The following ASTN2 variants were observed in gnomAD, a reference collection of about 807,000 sequenced individuals.
The protein encoded by ASTN2 is astrotactin 2, also known as astrotactin-2.
Under a neutral mutation model 139.8 loss-of-function variants are expected in ASTN2, and 54 were observed. The ratio of observed to expected loss-of-function variants is 0.39; its 90% CI spans 0.31 to 0.48. ASTN2 has a LOEUF of 0.48. ASTN2 is among the 20% of genes least tolerant of loss of function. The pLI, the probability that ASTN2 is intolerant of heterozygous loss-of-function variation, is 0.95. For synonymous variants in ASTN2, 756 were observed against 719.5 expected, an observed-to-expected ratio of 1.05 and a Z score of -0.81; for missense variants, 1,565 against 1,725.1, an observed-to-expected ratio of 0.91 and a Z score of 1.64.
At chr9:116,529,116 T>C (rs973524901) in intron 19 of ASTN2, among the ~76,000 whole-genome samples, 38 of 152,022 alleles carry the variant, frequency 2.5e-4, no homozygotes, top group African/African-American at 3.6e-4. Flanking sequence ...AGTAAATCCA[T>C]CAACAGCTTG....
intron 11 of ASTN2, among the ~76,000 whole-genome samples, chr9:116,823,760 T>G (rs1831550886): frequency 6.6e-6 from 1 of 152,158 alleles, no homozygotes; most frequent in Non-Finnish European, 1.5e-5. Flanking sequence ...CACAGCAAAT[T>G]AAAGGCAAGA....
intron 2 of ASTN2, among the ~76,000 whole-genome samples, chr9:117,266,628 CA>C (rs901506389): frequency 4.3e-4 from 65 of 152,100 alleles, no homozygotes; most frequent in African/African-American, 1.4e-3. Flanking sequence ...CTACCACCTG[CA>C]AAAAAATAAG....
chr9:117,163,308 T>C (rs1462333514), intron 3 of ASTN2, among the ~76,000 whole-genome samples: 1 of 152,074 alleles, frequency 6.6e-6, no homozygotes, highest in Non-Finnish European at 1.5e-5. Context: ...ATTTTGTACA[T>C]TCAGTAAATG....
At chr9:116,548,844 G>T in intron 19 of ASTN2, among the ~76,000 whole-genome samples, 1 of 152,144 alleles carries the variant, frequency 6.6e-6, no homozygotes, top group Non-Finnish European at 1.5e-5. Context: ...CTTGGTATAG[G>T]GGTCTGGGCA....
intron 2 of ASTN2, among the ~76,000 whole-genome samples, chr9:117,226,447 A>T (rs962990235): frequency 4.6e-5 from 7 of 152,236 alleles, no homozygotes; most frequent in Non-Finnish European, 8.8e-5. Context: ...AATACAGTCA[A>T]TGCTCAACAA....
intron 2 of ASTN2, among the ~76,000 whole-genome samples, chr9:117,230,040 G>A (rs1034016374): frequency 5.9e-5 from 9 of 151,354 alleles, no homozygotes; most frequent in Non-Finnish European, 1.2e-4. Context: ...GCATGGTAGC[G>A]CACATCTAGC....
At chr9:116,494,063 T>C (rs1423984143) in intron 19 of ASTN2, among the ~76,000 whole-genome samples, 1 of 152,156 alleles carries the variant, frequency 6.6e-6, no homozygotes, top group Non-Finnish European at 1.5e-5. Context: ...CTCATACCTA[T>C]CAGCTGCAGT....
In ASTN2 at chr9:117,253,144, C is replaced by A. The variant is rs912090340; in HGVS notation, c.630+38182G>T. Reference sequence around the variant, plus strand: ...GTCAGAGCCCCTGGTCATACCATGACTGAGAGGCATGACTGCATCTCTGGA... The same window carrying A: ...GTCAGAGCCCCTGGTCATACCATGAATGAGAGGCATGACTGCATCTCTGGA... On this transcript the variant is annotated intron_variant, in intron 2 of 22. Coordinates refer to ENST00000313400, the MANE Select transcript of ASTN2 (RefSeq NM_001365068.1). Among the ~76,000 whole-genome samples the A allele has an allele frequency of 9.8e-5, 15 of 152,286 alleles. No individual in the cohort carries two copies. The South Asian group carries it at 3.1e-3, about 32-fold the overall frequency.
intron 2 of ASTN2, among the ~76,000 whole-genome samples, chr9:117,228,033 G>A (rs1366208379): frequency 6.6e-6 from 1 of 152,098 alleles, no homozygotes; most frequent in Non-Finnish European, 1.5e-5. Flanking sequence ...ATTCTGACTG[G>A]GTGATTAGAT....
chr9:117,222,459 C>T (rs1289180237), intron 2 of ASTN2, among the ~76,000 whole-genome samples: 6 of 152,142 alleles, frequency 3.9e-5, no homozygotes, highest in African/African-American at 1.4e-4. Flanking sequence ...GAGCCTGAGC[C>T]TCCTTTCCCA....
chr9:116,596,090 T>C (rs1388164411), intron 19 of ASTN2, among the ~76,000 whole-genome samples: 1 of 152,194 alleles, frequency 6.6e-6, no homozygotes, highest in Non-Finnish European at 1.5e-5. Context: ...TGGATTATCA[T>C]TCAGCCTTAA....
At chr9:116,974,715 G>A (rs533723610) in intron 10 of ASTN2, among the ~76,000 whole-genome samples, 2 of 151,894 alleles carry the variant, frequency 1.3e-5, no homozygotes, top group Non-Finnish European at 2.9e-5. Context: ...CACCATGTTG[G>A]CCAGGCTGGT....
At chr9:117,309,662 G>A (rs926155579) in intron 1 of ASTN2, among the ~76,000 whole-genome samples, 1 of 152,162 alleles carries the variant, frequency 6.6e-6, no homozygotes, top group Non-Finnish European at 1.5e-5. Flanking sequence ...GAGGCCAAGA[G>A]AGGGAAAGGG....
At chr9:117,045,679 T>A (rs116171282) in intron 5 of ASTN2, among the ~76,000 whole-genome samples, 1 of 152,118 alleles carries the variant, frequency 6.6e-6, no homozygotes, top group Non-Finnish European at 1.5e-5. Context: ...TAAGTTAAAT[T>A]TGGAATTGAA....
At chr9:117,007,495 T>C (rs753449147) in intron 7 of ASTN2, among the ~76,000 whole-genome samples, 1 of 152,218 alleles carries the variant, frequency 6.6e-6, no homozygotes, top group Non-Finnish European at 1.5e-5. Flanking sequence ...TAAAATAAAA[T>C]GCCACATGTA....
At chr9:117,156,161 T>A (rs1479547547) in intron 3 of ASTN2, among the ~76,000 whole-genome samples, 1 of 152,074 alleles carries the variant, frequency 6.6e-6, no homozygotes, top group Non-Finnish European at 1.5e-5. Context: ...TGTATTGCTA[T>A]AGCTGCACCC....
intron 16 of ASTN2, among the ~76,000 whole-genome samples, chr9:116,722,057 A>G (rs924426425): frequency 8.5e-5 from 13 of 152,216 alleles, no homozygotes; most frequent in Admixed American, 3.3e-4. Context: ...GCTAGAGAGC[A>G]TAATATGATA....
At chr9:116,469,808 C>T (rs1257905142) in intron 20 of ASTN2, among the ~76,000 whole-genome samples, 3 of 152,138 alleles carry the variant, frequency 2.0e-5, no homozygotes, top group South Asian at 4.1e-4. Context: ...AACGTTAATA[C>T]ACACATAAAT....
chr9:116,957,276 C>A (rs185035908), intron 10 of ASTN2, among the ~76,000 whole-genome samples: 3 of 152,236 alleles, frequency 2.0e-5, no homozygotes, highest in African/African-American at 7.2e-5. Flanking sequence ...CACATACATA[C>A]ACACACTTTT....
Sources: allele counts gnomAD v4.1 joint callset (sites outside exome capture counted in the v4.1 genomes callset), GRCh38; gene constraint gnomAD v4.1.1; transcripts MANE v1.5; gene names NCBI Gene and HGNC (gene_info 2026-07-23, HGNC 2026-07-21).